EYS: variants seen among roughly 807,000 people sequenced by gnomAD.
EYS encodes the protein protein eyes shut homolog.
EYS carries 250 observed loss-of-function variants against 282.1 expected under a neutral mutation model. That is an observed-to-expected ratio of 0.89 (90% CI 0.80 to 0.98). EYS has a LOEUF of 0.98. Among genes scored for constraint, EYS ranks in the 50% least tolerant of loss-of-function variants. EYS has a pLI of 0.00. For missense variants in EYS, 4,016 were observed against 3,709.0 expected (o/e 1.08, Z -2.15); for synonymous variants, 1,355 against 1,282.9 (o/e 1.06, Z -1.20).
Position 63,813,433 on chromosome 6 carries a change from T to C in EYS, c.7229-7061A>G, listed in dbSNP as rs551843957. Among the ~76,000 whole-genome samples the C allele has an allele frequency of 2.0e-4, 30 of 152,358 alleles. 1 individual carries two copies. The South Asian group carries it at 2.3e-3, about 12-fold the overall frequency. ...TGACTAGGTTTCTTGGGACAATTGA[T>C]AGTTTTTGACAGAATATTTTGCCTT... On this transcript the variant is annotated intron_variant, in intron 36 of 42. Coordinates refer to ENST00000503581, the MANE Select transcript of EYS (RefSeq NM_001142800.2).
At chr6:64,567,161 A>G (rs1765590895) in intron 26 of EYS, among the ~76,000 whole-genome samples, 1 of 151,886 alleles carries the variant, frequency 6.6e-6, no homozygotes, top group Admixed American at 6.6e-5. Flanking sequence ...AAAAAAAAAA[A>G]TTCCTACCAA....
intron 15 of EYS, among the ~76,000 whole-genome samples, chr6:64,914,538 C>T (rs749248235): frequency 8.6e-5 from 13 of 151,952 alleles, no homozygotes; most frequent in Non-Finnish European, 4.4e-5. Flanking sequence ...AAAGAGTCAC[C>T]TAATTTGCAG....
chr6:65,570,185 G>A (rs1325473170), intron 2 of EYS, among the ~76,000 whole-genome samples: 1 of 152,010 alleles, frequency 6.6e-6, no homozygotes, highest in Non-Finnish European at 1.5e-5. Context: ...CAAGGGGATA[G>A]ATTTCCTCCT....
At chr6:65,541,876 T>TA (rs1460869154) in intron 2 of EYS, among the ~76,000 whole-genome samples, 4 of 152,132 alleles carry the variant, frequency 2.6e-5, no homozygotes, top group Non-Finnish European at 4.4e-5. Context: ...GATTGTATAT[T>TA]AGCCAAGTGC....
intron 11 of EYS, chr6:65,300,837 A>T (rs1768800519): frequency 1.3e-5 from 2 of 152,166 alleles, no homozygotes; most frequent in Non-Finnish European, 1.5e-5. Flanking sequence ...AGGGAAAAAT[A>T]CCTTGTTACC....
intron 36 of EYS, among the ~76,000 whole-genome samples, chr6:63,844,530 T>G (rs1772047965): frequency 6.6e-6 from 1 of 152,166 alleles, no homozygotes; most frequent in African/African-American, 2.4e-5. Flanking sequence ...GTTTCTTGAC[T>G]TCTTAATAGT....
At chr6:65,274,805 C>T (rs1405052243) in intron 12 of EYS, among the ~76,000 whole-genome samples, 1 of 151,932 alleles carries the variant, frequency 6.6e-6, no homozygotes, top group Non-Finnish European at 1.5e-5. Flanking sequence ...CAGGGGACTT[C>T]TAACTCAGTA....
intron 28 of EYS, among the ~76,000 whole-genome samples, chr6:64,427,717 A>C (rs1377730293): frequency 6.6e-6 from 1 of 152,152 alleles, no homozygotes; most frequent in Admixed American, 6.5e-5. Context: ...TGAACATAGA[A>C]TGAGAAAGCA....
chr6:65,169,857 C>G (rs1001439810), intron 12 of EYS, among the ~76,000 whole-genome samples: 2 of 151,464 alleles, frequency 1.3e-5, no homozygotes, highest in African/African-American at 4.8e-5. Flanking sequence ...GTTGGAACAA[C>G]TTCCTTTGGT....
At chr6:65,458,631 GT>G (rs1208141518) in intron 5 of EYS, among the ~76,000 whole-genome samples, 3 of 152,194 alleles carry the variant, frequency 2.0e-5, no homozygotes, top group African/African-American at 7.2e-5. Context: ...CTCAGAAATA[GT>G]TTCTGTTGTT....
At chr6:64,122,497 C>T (rs1050484931) in intron 31 of EYS, among the ~76,000 whole-genome samples, 1 of 151,958 alleles carries the variant, frequency 6.6e-6, no homozygotes, top group East Asian at 1.9e-4. Flanking sequence ...AGAAAGAGTA[C>T]TGGGGAGTGG....
At chr6:64,741,616 T>TA (rs1772374851) in intron 22 of EYS, among the ~76,000 whole-genome samples, 1 of 152,234 alleles carries the variant, frequency 6.6e-6, no homozygotes, top group South Asian at 2.1e-4. Context: ...GTTATTTGGT[T>TA]AATCAATTAT....
chr6:64,979,100 A>G (rs1396186955), intron 14 of EYS, among the ~76,000 whole-genome samples: 1 of 151,818 alleles, frequency 6.6e-6, no homozygotes, highest in African/African-American at 2.4e-5. Flanking sequence ...AAATGCTATT[A>G]AACAGCAGCG....
At chr6:65,213,598 A>G (rs1766232040) in intron 12 of EYS, among the ~76,000 whole-genome samples, 1 of 152,078 alleles carries the variant, frequency 6.6e-6, no homozygotes, top group South Asian at 2.1e-4. Context: ...TTATGTTACT[A>G]ATGGAATTGT....
intron 22 of EYS, among the ~76,000 whole-genome samples, chr6:64,783,554 T>C (rs1773928181): frequency 6.6e-6 from 1 of 152,104 alleles, no homozygotes; most frequent in African/African-American, 2.4e-5. Context: ...TGGCTTTTCA[T>C]ATCTAAAATT....
intron 28 of EYS, among the ~76,000 whole-genome samples, chr6:64,411,152 G>C (rs1161228443): frequency 6.6e-6 from 1 of 152,014 alleles, no homozygotes; most frequent in Non-Finnish European, 1.5e-5. Context: ...AAGTATGACA[G>C]CTATTTAATG....
chr6:65,017,828 C>G (rs1027764326), intron 13 of EYS, among the ~76,000 whole-genome samples: 15 of 151,988 alleles, frequency 9.9e-5, no homozygotes, highest in African/African-American at 2.7e-4. Flanking sequence ...ATGTTATTAC[C>G]TTTTAGATAA....
At chr6:65,419,339 G>A (rs1767365096) in intron 5 of EYS, among the ~76,000 whole-genome samples, 1 of 151,614 alleles carries the variant, frequency 6.6e-6, no homozygotes, top group Admixed American at 6.6e-5. Context: ...GAAAATACAA[G>A]AGAATGATTA....
chr6:63,975,311 T>C (rs940711291), intron 35 of EYS, among the ~76,000 whole-genome samples: 3 of 151,938 alleles, frequency 2.0e-5, no homozygotes, highest in African/African-American at 7.2e-5. Flanking sequence ...ATCATTACAC[T>C]GCTTAACACA....
Sources: gnomAD v4.1 joint callset for allele counts (sites outside exome capture counted in the v4.1 genomes callset) on GRCh38, gnomAD v4.1.1 for gene constraint, MANE v1.5 for transcripts, NCBI Gene and HGNC (gene_info 2026-07-23, HGNC 2026-07-21) for gene names.